The following MSI2 variants were observed in gnomAD, a reference collection of about 807,000 sequenced individuals.
The protein encoded by MSI2 is RNA-binding protein Musashi homolog 2.
In MSI2, 17 loss-of-function variants were observed where a neutral mutation model predicts 45.6. The ratio of observed to expected loss-of-function variants is 0.37; its 90% CI spans 0.26 to 0.56. The LOEUF is 0.56. Ranked by LOEUF, MSI2 falls within the 20% of genes least tolerant of loss-of-function variation. MSI2 has a pLI of 0.77. For missense variants in MSI2, 293 were observed against 444.2 expected (o/e 0.66, Z 3.06); for synonymous variants, 156 against 158.2 (o/e 0.99, Z 0.11).
chr17:57,493,186 C>A lies in MSI2; in HGVS notation c.406-36490C>A, dbSNP rs73329349. ...GCACCTTGGAGACGTGAGGAGCAAT[C>A]ATCTTTGCTTCATATTCTACCTGTG... is the stretch of plus-strand genomic sequence containing the variant. On this transcript the variant is annotated intron_variant, in intron 6 of 13. Coordinates refer to ENST00000284073, the MANE Select transcript of MSI2 (RefSeq NM_138962.4). Among the ~76,000 whole-genome samples the A allele has an allele frequency of 8.7e-3, 1,330 of 152,294 alleles. 18 individuals are homozygous for A. Among genetic ancestry groups the A allele is most frequent in the African/African-American group, 0.031 (1,273 of 41,550 alleles).
At chr17:57,500,405 T>G (rs937701718) in intron 6 of MSI2, among the ~76,000 whole-genome samples, 2 of 151,420 alleles carry the variant, frequency 1.3e-5, no homozygotes, top group Admixed American at 1.3e-4. Context: ...GTCTTTTTTT[T>G]TTTTTTCTCT....
intron 6 of MSI2, among the ~76,000 whole-genome samples, chr17:57,430,552 A>G (rs1441436149): frequency 1.3e-5 from 2 of 152,226 alleles, no homozygotes; most frequent in Non-Finnish European, 2.9e-5. Flanking sequence ...GTTAATATGC[A>G]TGCCTCTAAA....
At chr17:57,546,107 C>T (rs2087161763) in intron 7 of MSI2, among the ~76,000 whole-genome samples, 1 of 152,198 alleles carries the variant, frequency 6.6e-6, no homozygotes, top group Admixed American at 6.5e-5. Context: ...ATTTATCACG[C>T]ACCTCATGAA....
chr17:57,554,522 T>G (rs966256925), intron 7 of MSI2, among the ~76,000 whole-genome samples: 2 of 152,212 alleles, frequency 1.3e-5, no homozygotes, highest in Non-Finnish European at 2.9e-5. Flanking sequence ...AAAAGCTCTA[T>G]TTCCTGCCTC....
intron 7 of MSI2, among the ~76,000 whole-genome samples, chr17:57,589,751 G>A (rs1407262324): frequency 6.6e-6 from 1 of 152,186 alleles, no homozygotes; most frequent in Non-Finnish European, 1.5e-5. Flanking sequence ...AGGGGGGAGT[G>A]TGAAAGTAAC....
At chr17:57,428,100 A>C (rs1020294783) in intron 6 of MSI2, among the ~76,000 whole-genome samples, 7 of 152,218 alleles carry the variant, frequency 4.6e-5, no homozygotes, top group Admixed American at 4.6e-4. Context: ...CAGTGCTTTG[A>C]TATACATGTT....
At chr17:57,654,912 T>TG (rs1378543926) in intron 11 of MSI2, among the ~76,000 whole-genome samples, 1 of 117,748 alleles carries the variant, frequency 8.5e-6, no homozygotes, top group South Asian at 3.2e-4. Flanking sequence ...CTCCAACGTT[T>TG]GGGTTTTTTT....
intron 7 of MSI2, among the ~76,000 whole-genome samples, chr17:57,575,958 A>AG (rs2088032469): frequency 6.6e-6 from 1 of 151,578 alleles, no homozygotes; most frequent in Non-Finnish European, 1.5e-5. Flanking sequence ...AAAAAAAAAA[A>AG]AAAAAAAAAA....
intron 5 of MSI2, among the ~76,000 whole-genome samples, chr17:57,272,155 A>G (rs1337640073): frequency 6.6e-6 from 1 of 152,184 alleles, no homozygotes; most frequent in African/African-American, 2.4e-5. Flanking sequence ...GTGCATGCAC[A>G]CGTTGTGTTT....
At chr17:57,690,447 C>A in the MSI2 span, among the ~76,000 whole-genome samples, 12 of 141,662 alleles carry the variant, frequency 8.5e-5, no homozygotes, top group Non-Finnish European at 9.2e-5. Flanking sequence ...CCTATCTCTA[C>A]AAAAAAAAAA....
At chr17:57,565,421 C>A (rs1157525899) in intron 7 of MSI2, among the ~76,000 whole-genome samples, 1 of 152,248 alleles carries the variant, frequency 6.6e-6, no homozygotes, top group Non-Finnish European at 1.5e-5. Context: ...TTTGCACCTG[C>A]CCTTGTCTCC....
chr17:57,616,301 G>T, intron 9 of MSI2: 2 of 427,648 alleles, frequency 4.7e-6, no homozygotes, highest in Non-Finnish European at 8.3e-6. Flanking sequence ...GTGTGTGTGT[G>T]TGTTTGTATT....
At chr17:57,461,921 C>G (rs2143624871) in intron 6 of MSI2, among the ~76,000 whole-genome samples, 1 of 152,304 alleles carries the variant, frequency 6.6e-6, no homozygotes, top group Non-Finnish European at 1.5e-5. Flanking sequence ...GTCCTTCTCT[C>G]TTTCTGTATT....
chr17:57,256,802 C>T lies in MSI2; in HGVS notation c.60C>T (p.Pro20=). The change falls in exon 1 of 14, where the codon CCC becomes CCT. Residue 20 remains proline, a splice_region_variant and synonymous_variant. Transcript: ENST00000284073. ...SGSANDSQHD[P]GKMFIGGLSW... ...GCGCCAACGACTCCCAGCACGACCC[C>T]GGGTAAGTTTCCAGCCGCTGCCCAC... 2 of 1,473,486 alleles carry T rather than the reference C, an allele frequency of 1.4e-6. No homozygotes were observed. The highest frequency in any genetic ancestry group is 2.7e-5 in the East Asian group (1 of 36,724). The allele number at this position is 1,473,486 out of a possible 1,614,324, so 91.3% of individuals were successfully genotyped here. A position where few individuals can be genotyped will look rare whatever the true frequency, so the allele number is the denominator to read the frequency against.
chr17:57,293,179 T>TG (rs1910580353), intron 5 of MSI2, among the ~76,000 whole-genome samples: 1 of 151,676 alleles, frequency 6.6e-6, no homozygotes, highest in African/African-American at 2.4e-5. Flanking sequence ...GAGCCACCCC[T>TG]GGGTGAACTG....
Position 57,675,099 on chromosome 17 carries a change from G to A in MSI2, c.918G>A (p.Pro306=), listed in dbSNP as rs763132662. ...ACATAAGTGCGGCCAGCCCACAGCC[G>A]GGCTCGGGCTTCGGCCACGGCATAG... The part of the protein sequence containing the change: ...GNYISAASPQ[P]GSGFGHGIAG... The change falls in exon 12 of 14, where the codon CCG becomes CCA. Residue 306 remains proline, a synonymous_variant. Transcript: ENST00000284073. 43 of 1,613,716 alleles carry A rather than the reference G, an allele frequency of 2.7e-5. No homozygotes were observed. The highest frequency in any genetic ancestry group is 5.3e-5 in the African/African-American group (4 of 74,926).
chr17:57,666,901 C>T (rs1262926536), intron 11 of MSI2, among the ~76,000 whole-genome samples: 1 of 152,168 alleles, frequency 6.6e-6, no homozygotes, highest in Non-Finnish European at 1.5e-5. Flanking sequence ...GTCAATGGAT[C>T]AAAGCAAAGC....
chr17:57,408,026 T>C (rs11869344), intron 6 of MSI2, among the ~76,000 whole-genome samples: 149,573 of 152,278 alleles, frequency 0.98, 73,514 homozygotes, highest in Middle Eastern at 1. Flanking sequence ...ACCTTACCCA[T>C]GAGTAATATG....
chr17:57,408,035 TG>T (rs1158372083), intron 6 of MSI2, among the ~76,000 whole-genome samples: 2 of 152,192 alleles, frequency 1.3e-5, no homozygotes, highest in Non-Finnish European at 2.9e-5. Flanking sequence ...ATGAGTAATA[TG>T]ATCCTGGGGC....
Sources: gnomAD v4.1 joint callset for allele counts (sites outside exome capture counted in the v4.1 genomes callset) on GRCh38, gnomAD v4.1.1 for gene constraint, MANE v1.5 for transcripts, NCBI Gene and HGNC (gene_info 2026-07-23, HGNC 2026-07-21) for gene names.